The following TGM7 variants were observed in gnomAD, a reference collection of about 807,000 sequenced individuals.
TGM7 encodes the protein transglutaminase 7.
TGM7 carries 74 observed loss-of-function variants against 79.5 expected under a neutral mutation model. The ratio of observed to expected loss-of-function variants is 0.93; its 90% CI spans 0.77 to 1.13. TGM7 has a LOEUF of 1.13. Among genes scored for constraint, TGM7 ranks in the 50% most tolerant of loss-of-function variants. The pLI is 0.00. For missense variants in TGM7, 912 were observed against 905.9 expected (o/e 1.01, Z -0.09); for synonymous variants, 354 against 362.5 (o/e 0.98, Z 0.27).
rs1263301823 is a variant in TGM7, at chr15:43,284,914, T to C, written c.904A>G (p.Asn302Asp). 1.2e-6 allele frequency: 2 copies of C among 1,614,080 alleles called. No individual in the cohort carries two copies. Among genetic ancestry groups the C allele is most frequent in the African/African-American group, 2.7e-5 (2 of 74,920 alleles). Residue 302 changes from asparagine to aspartate, a missense_variant, in exon 7 of 13, where the codon AAT becomes GAT. Asn to Asp is a conservative substitution (Grantham distance 23, BLOSUM62 1). Coordinates refer to ENST00000452443, the MANE Select transcript of TGM7 (RefSeq NM_052955.3). ...TCCACGTTGTGCGCGGAACGGAAATTGGAAACAACACGGGTTGGAACACCT... is the reference window on the plus strand; with the variant it reads ...TCCACGTTGTGCGCGGAACGGAAATCGGAAACAACACGGGTTGGAACACCT... ...CLGVPTRVVSNFRSAHNVDRN... is the reference protein window; with the variant it reads ...CLGVPTRVVSDFRSAHNVDRN...
Position 43,276,548 on chromosome 15 carries a change from T to C in TGM7, c.2040A>G (p.Gly680=). 1 of 1,613,996 alleles carries C rather than the reference T, an allele frequency of 6.2e-7. No homozygotes were observed. Among genetic ancestry groups the C allele is most frequent in the Non-Finnish European group, 8.5e-7 (1 of 1,179,976 alleles). The change falls in exon 13 of 13, where the codon GGA becomes GGG. Residue 680 remains glycine (G), a synonymous_variant. Coordinates refer to ENST00000452443, the MANE Select transcript of TGM7 (RefSeq NM_052955.3). The part of the protein sequence containing the change: ...IQLDLYPTKA[G]PRQLQVLISS... ...TGATGAGAACCTGGAGCTGGCGGGG[T>C]CCAGCTTTGGTCGGGTAGAGGTCCA...
intron 1 of TGM7, among the ~76,000 whole-genome samples, chr15:43,298,405 G>T (rs1253124022): frequency 1.3e-5 from 2 of 152,040 alleles, no homozygotes; most frequent in Non-Finnish European, 1.5e-5. Flanking sequence ...ATCTAGCCCT[G>T]ATGGGTAGAT....
chr15:43,297,633 GAA>G lies in TGM7; in HGVS notation c.11-4004_11-4003del, dbSNP rs1491348505. The stretch of plus-strand genomic sequence containing the variant: ...AGAAAGAAAGAAAGAAAGAAAGAAA[GAA>G]AAAGAAAGAAAGAAAAAGACATTGA... On this transcript the variant is annotated intron_variant, in intron 1 of 12. Coordinates refer to ENST00000452443, the MANE Select transcript of TGM7 (RefSeq NM_052955.3). Among the ~76,000 whole-genome samples the G allele has an allele frequency of 4.3e-3, 354 of 82,090 alleles. 4 individuals are homozygous for G. Among genetic ancestry groups the G allele is most frequent in the East Asian group, 0.016 (44 of 2,740 alleles). 53.9% of individuals were successfully genotyped at this position (82,090 alleles called of 152,430 possible). A position where few individuals can be genotyped will look rare whatever the true frequency, so the allele number is the denominator to read the frequency against.
At chr15:43,299,263 CTG>C (rs1183985944) in intron 1 of TGM7, among the ~76,000 whole-genome samples, 1 of 152,114 alleles carries the variant, frequency 6.6e-6, no homozygotes, top group Non-Finnish European at 1.5e-5. Flanking sequence ...ATTAATTCGA[CTG>C]TGGCATTTAG....
At chr15:43,287,227 C>G (rs1596462039) in intron 6 of TGM7, 53 bp downstream of exon 6, 1 of 1,565,016 alleles carries the variant, frequency 6.4e-7, no homozygotes, top group East Asian at 2.4e-5. Context: ...CCACAGTTAA[C>G]TTCTCTGATA....
chr15:43,279,312 C>G (rs1566842340), intron 10 of TGM7, 35 bp from the exon 11 acceptor site: 2 of 1,602,994 alleles, frequency 1.2e-6, no homozygotes, highest in Non-Finnish European at 1.7e-6. Context: ...GAGTCCAGGA[C>G]ATGGACCAGA....
At position 43,283,047 on chromosome 15, in the gene TGM7, C is replaced by T. The variant is rs189531559; in HGVS notation, c.1005-427G>A. ...CCTGGGCCACAGAGTGAGACTCCAT[C>T]TCAAAAAAACAACAAAAAAGAGTAG... On this transcript the variant is annotated intron_variant, in intron 7 of 12. Coordinates refer to ENST00000452443, the MANE Select transcript of TGM7 (RefSeq NM_052955.3). Among the ~76,000 whole-genome samples, 34 of 152,210 alleles carry T rather than the reference C, an allele frequency of 2.2e-4. No homozygotes were observed. The East Asian group carries it at 4.3e-3, about 19-fold the overall frequency.
At chr15:43,286,374 C>T (rs2042935820) in intron 6 of TGM7, among the ~76,000 whole-genome samples, 1 of 152,200 alleles carries the variant, frequency 6.6e-6, no homozygotes, top group Admixed American at 6.5e-5. Context: ...CTAGCACGGC[C>T]TGGGGACTTC....
Position 43,281,942 on chromosome 15 carries a change from A to G in TGM7, c.1253T>C (p.Leu418Pro), listed in dbSNP as rs1596460145. Residue 418 changes from leucine (L) to proline (P), a missense_variant, in exon 9 of 13, where the codon CTG becomes CCG. Transcript: ENST00000452443. ...CCCGATGGAACTGGTGTTGTGGGCC[A>G]GGATTTCCTGGGCCTGGCCATCCCC... ...LLGDGQAQEILAHNTSSIGKE... is the reference protein window; with the variant it reads ...LLGDGQAQEIPAHNTSSIGKE... 2 of 1,614,238 alleles carry G rather than the reference A, an allele frequency of 1.2e-6. No homozygotes were observed. Among genetic ancestry groups the G allele is most frequent in the East Asian group, 4.5e-5 (2 of 44,882 alleles).
intron 7 of TGM7, 91 bp from the exon 8 acceptor site, chr15:43,282,711 C>CT (rs1254915994): frequency 1.0e-6 from 1 of 986,786 alleles, no homozygotes; most frequent in African/African-American, 1.6e-5. Flanking sequence ...ATCATTGTTT[C>CT]TTTTTCTTAC....
At position 43,276,439 on chromosome 15, in the gene TGM7, A is replaced by G; in HGVS notation, c.*16T>C. 6.2e-7 allele frequency: 1 copy of G among 1,606,328 alleles called. No individual in the cohort carries two copies. Among genetic ancestry groups the G allele is most frequent in the Non-Finnish European group, 8.5e-7 (1 of 1,175,888 alleles). On this transcript the variant is annotated 3_prime_UTR_variant, in exon 13 of 13. Coordinates refer to ENST00000452443, the MANE Select transcript of TGM7 (RefSeq NM_052955.3). ...GTGGGGCAGGGGTGCCAGGGAGGGC[A>G]GCTGGAGGGCGGGTCTCAGGGAGCC...
intron 6 of TGM7, among the ~76,000 whole-genome samples, chr15:43,285,926 C>T (rs1282445580): frequency 6.6e-6 from 1 of 152,084 alleles, no homozygotes; most frequent in African/African-American, 2.4e-5. Flanking sequence ...CCAGGTGTGA[C>T]CCTGAGGGGA....
At position 43,292,063 on chromosome 15, in the gene TGM7, C is replaced by T. The variant is rs1203011706; in HGVS notation, c.474G>A (p.Leu158=). Residue 158 remains leucine (L), a synonymous_variant, in exon 4 of 13, where the codon CTG becomes CTA. Transcript: ENST00000452443. ...CATAATCTCGCATGATATACTCCTG[C>T]AGCAGTATTTCACTTGGCAGGTAGA... ...DDVYLPSEIL[L]QEYIMRDYGF... is the part of the protein sequence containing the mutation. The T allele has an allele frequency of 6.2e-7, 1 of 1,613,972 alleles. No homozygotes were observed. Among genetic ancestry groups the T allele is most frequent in the South Asian group, 1.1e-5 (1 of 91,078 alleles).
chr15:43,282,575 G>A lies in TGM7; in HGVS notation c.1050C>T (p.Leu350=). 1.2e-6 allele frequency: 2 copies of A among 1,603,174 alleles called. No individual in the cohort carries two copies. Among genetic ancestry groups the A allele is most frequent in the Admixed American group, 3.4e-5 (2 of 58,450 alleles). The change falls in exon 8 of 13, where the codon CTC becomes CTT. Residue 350 remains leucine (L), a synonymous_variant. Coordinates refer to ENST00000452443, the MANE Select transcript of TGM7 (RefSeq NM_052955.3). ...WNECWMIRKD[L]PPGYNGWQVL... ...CCTGCCACCCGTTGTATCCTGGTGG[G>A]AGATCTTTCCGGATCATCCAGCACT...
In TGM7 at chr15:43,297,794, A is replaced by G. The variant is rs930921747; in HGVS notation, c.11-4163T>C. 6.6e-5 allele frequency among the ~76,000 whole-genome samples: 10 copies of G among 152,182 alleles called. No individual in the cohort carries two copies. The East Asian group carries it at 1.2e-3, about 18-fold the overall frequency. ...CTTGGCTCAGCAGTAACCACTGCAC[A>G]GGGGCTTTCTTTGGCCACCAAGCAT... is the stretch of plus-strand genomic sequence containing the variant. On this transcript the variant is annotated intron_variant, in intron 1 of 12. Coordinates refer to ENST00000452443, the MANE Select transcript of TGM7 (RefSeq NM_052955.3).
Position 43,276,868 on chromosome 15 carries a change from G to T in TGM7, c.1967C>A (p.Ala656Glu). Residue 656 changes from alanine (A) to glutamate (E), a missense_variant, in exon 12 of 13, where the codon GCA becomes GAA. By Grantham distance (107) the Ala-to-Glu change is moderately radical. Coordinates refer to ENST00000452443, the MANE Select transcript of TGM7 (RefSeq NM_052955.3). The part of the protein sequence containing the change: ...EGSGLINGQI[A>E]KDLGTLVAGH... ...GGGCAGAAGCGTCACTTACTCCTTT[G>T]CTATCTGCCCATTGATGAGGCCGCT... 1 of 1,614,004 alleles carries T rather than the reference G, an allele frequency of 6.2e-7. No homozygotes were observed. The highest frequency in any genetic ancestry group is 1.1e-5 in the South Asian group (1 of 91,068).
chr15:43,301,779 G>A (rs753617416), intron 1 of TGM7, among the ~76,000 whole-genome samples: 1 of 152,084 alleles, frequency 6.6e-6, no homozygotes, highest in African/African-American at 2.4e-5. Context: ...TGAAGGGATC[G>A]AAAAAGGGGC....
chr15:43,285,688 G>A (rs1353339838), intron 6 of TGM7, among the ~76,000 whole-genome samples: 1 of 152,186 alleles, frequency 6.6e-6, no homozygotes, highest in Non-Finnish European at 1.5e-5. Flanking sequence ...GAAACCGTCA[G>A]CAGAGATAAG....
intron 1 of TGM7, among the ~76,000 whole-genome samples, chr15:43,294,136 A>G (rs1007249530): frequency 4.6e-5 from 7 of 152,182 alleles, no homozygotes; most frequent in African/African-American, 1.7e-4. Context: ...AAGAATAAAC[A>G]TACTAGGATT....
Sources: gnomAD v4.1 joint callset for allele counts (sites outside exome capture counted in the v4.1 genomes callset) on GRCh38, gnomAD v4.1.1 for gene constraint, MANE v1.5 for transcripts, NCBI Gene and HGNC (gene_info 2026-07-23, HGNC 2026-07-21) for gene names.